Variants in RASGRF1 observed in about 807,000 individuals in gnomAD.
RASGRF1 encodes the protein ras-specific guanine nucleotide-releasing factor 1.
In RASGRF1, 40 loss-of-function variants were observed where a neutral mutation model predicts 138.7. That is an observed-to-expected ratio of 0.29 (90% CI 0.22 to 0.38). The LOEUF (loss-of-function observed/expected upper bound fraction) is 0.38. Ranked by LOEUF, RASGRF1 falls within the 10% of genes least tolerant of loss-of-function variation. The pLI is 1.00. For synonymous variants in RASGRF1, 614 were observed against 663.2 expected (o/e 0.93, Z 1.14); for missense variants, 1,108 against 1,650.4 (o/e 0.67, Z 5.69).
rs867083481 is a variant in RASGRF1 at position 79,022,216 on chromosome 15, G to A, written c.1543-2112C>T. Among the ~76,000 whole-genome samples, 50 of 152,284 alleles carry A rather than the reference G, an allele frequency of 3.3e-4. 1 individual carries two copies. The highest frequency in any genetic ancestry group is 1.1e-3 in the African/African-American group (47 of 41,550). On this transcript the variant is annotated intron_variant, in intron 10 of 26. Transcript: ENST00000558480. ...GCACTTTGGGAGGCTGAGGCTGGTG[G>A]ATCACCTGAGGTCAGGAGTTTGAGA...
At chr15:78,964,602 G>A (rs2055607980) in intron 26 of RASGRF1, among the ~76,000 whole-genome samples, 1 of 152,236 alleles carries the variant, frequency 6.6e-6, no homozygotes, top group African/African-American at 2.4e-5. Flanking sequence ...GTGCCTTCTG[G>A]ATGAGCCCTG....
chr15:78,970,797 A>C (rs557665598), intron 26 of RASGRF1, among the ~76,000 whole-genome samples: 84 of 141,164 alleles, frequency 6.0e-4, no homozygotes, highest in African/African-American at 2.2e-3. Context: ...TTATTAAACA[A>C]TTTTTTTTTC....
intron 8 of RASGRF1, among the ~76,000 whole-genome samples, chr15:79,028,425 G>A (rs887839839): frequency 1.5e-4 from 23 of 152,226 alleles, no homozygotes; most frequent in African/African-American, 5.3e-4. Context: ...TGGCAATCCC[G>A]CTGGCTCAGG....
intron 9 of RASGRF1, among the ~76,000 whole-genome samples, chr15:79,026,091 A>C (rs2057045788): frequency 6.6e-6 from 1 of 152,066 alleles, no homozygotes; most frequent in South Asian, 2.1e-4. Context: ...CCTGTCATGA[A>C]AGCCATTGCT....
chr15:78,971,737 G>T, intron 26 of RASGRF1, 129 bp downstream of exon 26: 2 of 827,032 alleles, frequency 2.4e-6, no homozygotes, highest in Non-Finnish European at 4.1e-6. Context: ...TTACAGGGAT[G>T]GCATTTGAGC....
At chr15:78,988,880 G>A (rs1165868397) in intron 22 of RASGRF1, among the ~76,000 whole-genome samples, 2 of 131,082 alleles carry the variant, frequency 1.5e-5, no homozygotes, top group Non-Finnish European at 3.1e-5. Flanking sequence ...GATTTGCACT[G>A]TGTAGCAATG....
At chr15:79,083,310 C>T (rs896275339) in intron 1 of RASGRF1, among the ~76,000 whole-genome samples, 18 of 152,214 alleles carry the variant, frequency 1.2e-4, no homozygotes, top group South Asian at 6.2e-4. Flanking sequence ...AGTGTTTGGG[C>T]GTTGGCAGTG....
At chr15:78,968,064 CTTATT>C (rs1270705670) in intron 26 of RASGRF1, among the ~76,000 whole-genome samples, 1 of 147,672 alleles carries the variant, frequency 6.8e-6, no homozygotes, top group Non-Finnish European at 1.5e-5. Flanking sequence ...ATGATTTAGT[CTTATT>C]TTATTATTTT....
chr15:79,082,891 C>T lies in RASGRF1; in HGVS notation c.276+7332G>A, dbSNP rs1036966703. The stretch of plus-strand genomic sequence containing the variant: ...CCAGCCTGCGAGAGACCCCAGGGAC[C>T]TGGGTCACTGCTATAGTGAGGAACA... On this transcript the variant is annotated intron_variant, in intron 1 of 26. Coordinates refer to ENST00000558480, the MANE Select transcript of RASGRF1 (RefSeq NM_001145648.3). 2.0e-5 allele frequency among the ~76,000 whole-genome samples: 3 copies of T among 152,186 alleles called. No individual in the cohort carries two copies. The South Asian group carries it at 6.2e-4, about 32-fold the overall frequency.
chr15:79,032,937 A>C lies in RASGRF1; in HGVS notation c.959-621T>G, dbSNP rs1190778353. On this transcript the variant is annotated intron_variant, in intron 6 of 26. Coordinates refer to ENST00000558480, the MANE Select transcript of RASGRF1 (RefSeq NM_001145648.3). This position sits in a 1 kb window ranked among gnomAD's most constrained non-coding sequence, Gnocchi z 4.5. Reference sequence around the variant, plus strand: ...TCCTGAGACAGAAGTGGCCTATCTGAGGTCACAGGGCAAGTCAGCAGCCGG... The same window carrying C: ...TCCTGAGACAGAAGTGGCCTATCTGCGGTCACAGGGCAAGTCAGCAGCCGG... 6.6e-6 allele frequency among the ~76,000 whole-genome samples: 1 copy of C among 152,146 alleles called. No individual in the cohort carries two copies. The highest frequency in any genetic ancestry group is 1.5e-5 in the Non-Finnish European group (1 of 68,018).
intron 1 of RASGRF1, among the ~76,000 whole-genome samples, chr15:79,077,747 C>T (rs1005795953): frequency 2.0e-5 from 3 of 152,148 alleles, no homozygotes; most frequent in Admixed American, 1.3e-4. Flanking sequence ...TGTGCCTTCC[C>T]CCATCCTCAC....
At chr15:78,976,579 C>T (rs1174018216) in intron 24 of RASGRF1, among the ~76,000 whole-genome samples, 1 of 151,924 alleles carries the variant, frequency 6.6e-6, no homozygotes, top group Non-Finnish European at 1.5e-5. Context: ...CACACACACA[C>T]ACACACCCAT....
chr15:79,002,929 C>A (rs539971867), intron 15 of RASGRF1, among the ~76,000 whole-genome samples: 13 of 152,234 alleles, frequency 8.5e-5, no homozygotes, highest in Non-Finnish European at 1.8e-4. Flanking sequence ...CCTGGTTGCA[C>A]GTGGGTGCGT....
chr15:79,058,431 T>C lies in RASGRF1; in HGVS notation c.434A>G (p.His145Arg). The C allele has an allele frequency of 6.2e-7, 1 of 1,614,208 alleles. No homozygotes were observed. The highest frequency in any genetic ancestry group is 8.5e-7 in the Non-Finnish European group (1 of 1,180,040). ...EHEALMQKYL[H>R]LLQIVETEKT... Reference sequence around the variant, plus strand: ...CTCTGTCTCCACGATCTGCAGCAGGTGCAGGTATTTCTGCATTAATGCCTC... The same window carrying C: ...CTCTGTCTCCACGATCTGCAGCAGGCGCAGGTATTTCTGCATTAATGCCTC... Residue 145 changes from histidine to arginine, a missense_variant, in exon 3 of 27, where the codon CAC (histidine) becomes CGC (arginine). Around this residue, in one of 3 missense-constraint regions of RASGRF1, gnomAD observed 253 missense variants for 329.5 expected, o/e 0.77. Transcript: ENST00000558480.
chr15:79,020,009 C>T (rs1158533562), intron 11 of RASGRF1, 32 bp downstream of exon 11: 1 of 1,612,004 alleles, frequency 6.2e-7, no homozygotes, highest in East Asian at 2.2e-5. Context: ...TGTGCAAGCA[C>T]ACACATGCGC....
In RASGRF1 at chr15:79,031,450, A is replaced by C. The variant is rs2057135227; in HGVS notation, c.1212T>G (p.Val404=). Reference sequence around the variant, plus strand: ...TGGCGTAGTCCAGGCTGTTGCGCTCAACGTGCTCATGAGGCGTGTGGGCCA... The same window carrying C: ...TGGCGTAGTCCAGGCTGTTGCGCTCCACGTGCTCATGAGGCGTGTGGGCCA... The part of the protein sequence containing the change: ...ELLAHTPHEH[V]ERNSLDYAKS... The change falls in exon 8 of 27, where the codon GTT becomes GTG. Residue 404 remains valine, a synonymous_variant. Coordinates refer to ENST00000558480, the MANE Select transcript of RASGRF1 (RefSeq NM_001145648.3). The C allele has an allele frequency of 1.2e-6, 2 of 1,613,428 alleles. No homozygotes were observed. The highest frequency in any genetic ancestry group is 1.7e-6 in the Non-Finnish European group (2 of 1,179,792).
chr15:78,966,448 T>C (rs2055647109), intron 26 of RASGRF1, among the ~76,000 whole-genome samples: 1 of 151,950 alleles, frequency 6.6e-6, no homozygotes, highest in Non-Finnish European at 1.5e-5. Flanking sequence ...CTCTGTTGCC[T>C]AGGCTGGTCT....
rs570099529 is a variant in RASGRF1 at position 78,972,253 on chromosome 15, G to A, written c.3613-319C>T. Among the ~76,000 whole-genome samples the A allele has an allele frequency of 1.3e-3, 204 of 151,910 alleles. 1 individual carries two copies. The highest frequency in any genetic ancestry group is 2.4e-3 in the Non-Finnish European group (160 of 67,944). ...TGGGATTACAAGTGCATGCCACCAC[G>A]CCCGGCTAATTTTTGTATTTTTAGT... On this transcript the variant is annotated intron_variant, in intron 25 of 26. Transcript: ENST00000558480.
chr15:79,084,620 G>A (rs1375045235), intron 1 of RASGRF1, among the ~76,000 whole-genome samples: 6 of 152,204 alleles, frequency 3.9e-5, no homozygotes, highest in African/African-American at 1.2e-4. Context: ...TGTCCTCCTC[G>A]TGGGGCTCCG....
Sources: allele counts gnomAD v4.1 joint callset (sites outside exome capture counted in the v4.1 genomes callset), GRCh38; gene constraint gnomAD v4.1.1; regional missense constraint gnomAD v4.1.1; non-coding constraint Gnocchi (gnomAD v3.1); transcripts MANE v1.5; gene names NCBI Gene and HGNC (gene_info 2026-07-23, HGNC 2026-07-21).